The following OPRM1 variants were observed in gnomAD, a reference collection of about 807,000 sequenced individuals.
OPRM1 encodes the protein opioid receptor mu 1.
Under a neutral mutation model 31.8 loss-of-function variants are expected in OPRM1, and 27 were observed. The ratio of observed to expected loss-of-function variants is 0.85; its 90% CI spans 0.63 to 1.17. OPRM1 has a LOEUF of 1.17. Among genes scored for constraint, OPRM1 ranks in the 50% most tolerant of loss-of-function variants. The probability of loss-of-function intolerance (pLI) is 0.00; values close to 1 mark genes in which losing one functional copy is unlikely to be tolerated. For synonymous variants in OPRM1, 196 were observed against 189.9 expected (o/e 1.03, Z -0.26); for missense variants, 536 against 511.1 (o/e 1.05, Z -0.47).
chr6:154,101,995 C>A (rs112713737), intron 3 of OPRM1, among the ~76,000 whole-genome samples: 1 of 151,988 alleles, frequency 6.6e-6, no homozygotes, highest in Non-Finnish European at 1.5e-5. Context: ...GCTGGAGTGC[C>A]GTGGCACCAG....
chr6:154,037,283 G>T (rs1583165269), upstream of OPRM1, among the ~76,000 whole-genome samples: 1 of 151,386 alleles, frequency 6.6e-6, no homozygotes, highest in Admixed American at 6.6e-5. Flanking sequence ...GAACTGGCTT[G>T]GATTGTGTTT....
At chr6:154,139,513 C>T (rs1214288519) in intron 3 of OPRM1, among the ~76,000 whole-genome samples, 2 of 152,196 alleles carry the variant, frequency 1.3e-5, no homozygotes, top group Non-Finnish European at 2.9e-5. Context: ...GAAACAGCTA[C>T]CATGCCCCAA....
chr6:154,100,135 TAA>T (rs1562472544), intron 3 of OPRM1, among the ~76,000 whole-genome samples: 4 of 101,612 alleles, frequency 3.9e-5, no homozygotes, highest in Admixed American at 2.4e-4. Flanking sequence ...TTATGACATA[TAA>T]TATATATTAT....
intron 3 of OPRM1, among the ~76,000 whole-genome samples, chr6:154,188,743 G>A (rs1163091795): frequency 6.6e-6 from 1 of 152,212 alleles, no homozygotes; most frequent in African/African-American, 2.4e-5. Flanking sequence ...TGACACTGAA[G>A]ACTCATGTGG....
intron 3 of OPRM1, among the ~76,000 whole-genome samples, chr6:154,161,745 T>A (rs1799037590): frequency 1.3e-5 from 2 of 152,308 alleles, no homozygotes; most frequent in South Asian, 4.1e-4. Flanking sequence ...CATCCCTGTA[T>A]TCCCTGCACC....
chr6:154,206,736 T>C (rs897662120), intron 3 of OPRM1, among the ~76,000 whole-genome samples: 1 of 152,212 alleles, frequency 6.6e-6, no homozygotes, highest in African/African-American at 2.4e-5. Flanking sequence ...TTTTGAAAGA[T>C]ACTTAGAAGG....
intron 3 of OPRM1, among the ~76,000 whole-genome samples, chr6:154,100,065 C>CAT (rs1469456417): frequency 1.3e-4 from 17 of 129,420 alleles, no homozygotes; most frequent in African/African-American, 4.7e-4. Flanking sequence ...TGATATATAT[C>CAT]ATGATATATA....
At chr6:154,023,804 G>A (rs1778526456) in intron 1 of OPRM1, among the ~76,000 whole-genome samples, 2 of 152,036 alleles carry the variant, frequency 1.3e-5, no homozygotes, top group Non-Finnish European at 2.9e-5. Context: ...CAATTGATAT[G>A]ATCATATGGT....
At chr6:154,074,207 C>A (rs1364841789) in intron 1 of OPRM1, 1 of 152,160 alleles carries the variant, frequency 6.6e-6, no homozygotes, top group Non-Finnish European at 1.5e-5. Flanking sequence ...CTTAACCAAT[C>A]TGTGTCTTCA....
chr6:154,069,165 T>C (rs1295473766), intron 1 of OPRM1, among the ~76,000 whole-genome samples: 1 of 152,240 alleles, frequency 6.6e-6, no homozygotes, highest in Non-Finnish European at 1.5e-5. Flanking sequence ...GTCTTTTCAC[T>C]CTGGTAATTT....
At chr6:154,017,076 T>C (rs1418089809) in intron 1 of OPRM1, among the ~76,000 whole-genome samples, 1 of 152,168 alleles carries the variant, frequency 6.6e-6, no homozygotes, top group Non-Finnish European at 1.5e-5. Context: ...AATTGACTTA[T>C]CTCCCTAGCA....
rs1797399580 is a variant in OPRM1 at position 154,123,229 on chromosome 6, C to T, written c.*4508C>T. ...GTCTCTAGGCGAGCACAAAGCATAG[C>T]TTCTCTTGTTGTATAATTGTGGGTT... On this transcript the variant is annotated 3_prime_UTR_variant, in exon 4 of 4. Transcript: ENST00000330432. 6.6e-6 allele frequency among the ~76,000 whole-genome samples: 1 copy of T among 152,180 alleles called. No individual in the cohort carries two copies. The highest frequency in any genetic ancestry group is 2.4e-5 in the African/African-American group (1 of 41,450).
At chr6:154,176,597 G>C (rs1228130516) in intron 3 of OPRM1, among the ~76,000 whole-genome samples, 1 of 152,042 alleles carries the variant, frequency 6.6e-6, no homozygotes, top group Non-Finnish European at 1.5e-5. Context: ...AAATACCTAG[G>C]AATCCAATTT....
chr6:154,230,950 A>G (rs1210381577), intron 3 of OPRM1, among the ~76,000 whole-genome samples: 1 of 152,214 alleles, frequency 6.6e-6, no homozygotes, highest in East Asian at 1.9e-4. Flanking sequence ...AATTCTTGAA[A>G]TTACATTGAG....
intron 1 of OPRM1, 113 bp downstream of exon 1, chr6:154,039,947 A>C: frequency 1.1e-6 from 1 of 916,904 alleles, no homozygotes; most frequent in Non-Finnish European, 1.6e-6. Context: ...AGGGGAGGTA[A>C]ACTGGGGGGA....
chr6:154,077,887 T>A (rs1419664244), intron 1 of OPRM1, among the ~76,000 whole-genome samples: 1 of 151,502 alleles, frequency 6.6e-6, no homozygotes, highest in African/African-American at 2.4e-5. Context: ...TTTTTTTTTT[T>A]AACTCATATC....
chr6:154,072,634 C>T (rs143471417), intron 1 of OPRM1, among the ~76,000 whole-genome samples: 2 of 152,260 alleles, frequency 1.3e-5, no homozygotes, highest in African/African-American at 4.8e-5. Flanking sequence ...GACAGTCATA[C>T]ATTAGTTTAT....
intron 3 of OPRM1, among the ~76,000 whole-genome samples, chr6:154,111,537 A>C (rs1412390336): frequency 2.0e-5 from 3 of 152,282 alleles, no homozygotes; most frequent in African/African-American, 7.2e-5. Context: ...GCTTCCATAG[A>C]TTGACAAGGT....
At chr6:154,206,364 G>A (rs971798461) in intron 3 of OPRM1, among the ~76,000 whole-genome samples, 1 of 152,106 alleles carries the variant, frequency 6.6e-6, no homozygotes, top group Non-Finnish European at 1.5e-5. Context: ...CATTCACATG[G>A]GGAAATATTT....
Sources: gnomAD v4.1 joint callset for allele counts (sites outside exome capture counted in the v4.1 genomes callset) on GRCh38, gnomAD v4.1.1 for gene constraint, MANE v1.5 for transcripts, NCBI Gene and HGNC (gene_info 2026-07-23, HGNC 2026-07-21) for gene names.